Variants in PRKN observed in about 807,000 individuals in gnomAD.
PRKN encodes the protein parkin RBR E3 ubiquitin protein ligase, also known as E3 ubiquitin-protein ligase parkin.
Under a neutral mutation model 59.5 loss-of-function variants are expected in PRKN, and 56 were observed. The observed-to-expected ratio is 0.94, with a 90% CI of 0.76 to 1.18. PRKN has a LOEUF of 1.18. Among genes scored for constraint, PRKN ranks in the 50% most tolerant of loss-of-function variants. The probability of loss-of-function intolerance (pLI) is 0.00; values close to 1 mark genes in which losing one functional copy is unlikely to be tolerated. For synonymous variants in PRKN, 250 were observed against 222.1 expected, an observed-to-expected ratio of 1.13 and a Z score of -1.12; for missense variants, 657 against 596.4, an observed-to-expected ratio of 1.10 and a Z score of -1.06.
chr6:162,189,974 T>G (rs1028939218), intron 4 of PRKN, among the ~76,000 whole-genome samples: 2 of 152,106 alleles, frequency 1.3e-5, no homozygotes, highest in Non-Finnish European at 2.9e-5. Context: ...AAATTCTGTA[T>G]GCACAACTGA....
chr6:161,950,845 A>G (rs1187591324), intron 6 of PRKN, among the ~76,000 whole-genome samples: 1 of 151,738 alleles, frequency 6.6e-6, no homozygotes, highest in African/African-American at 2.4e-5. Context: ...GAGAGTTGTA[A>G]AAGCCTCAGG....
chr6:162,263,784 T>A (rs7773880), intron 2 of PRKN, among the ~76,000 whole-genome samples: 1,743 of 151,782 alleles, frequency 0.011, 36 homozygotes, highest in African/African-American at 0.039. Flanking sequence ...CAAAACCCCA[T>A]CTCAACTGAA....
intron 4 of PRKN, among the ~76,000 whole-genome samples, chr6:162,092,383 T>C (rs1779534565): frequency 6.6e-6 from 1 of 152,052 alleles, no homozygotes; most frequent in African/African-American, 2.4e-5. Context: ...GAAAAAAAAG[T>C]TTACCACTAA....
At chr6:162,414,710 CAA>C (rs1397574412) in intron 2 of PRKN, among the ~76,000 whole-genome samples, 5 of 101,960 alleles carry the variant, frequency 4.9e-5, no homozygotes, top group Admixed American at 1.1e-4. Context: ...GACTCCGTCT[CAA>C]AAAAAAAAAA....
intron 2 of PRKN, among the ~76,000 whole-genome samples, chr6:162,279,060 G>T (rs907692442): frequency 3.9e-5 from 6 of 152,148 alleles, no homozygotes; most frequent in Non-Finnish European, 7.3e-5. Flanking sequence ...GCGAGGTGAG[G>T]TGGCTCACGG....
intron 2 of PRKN, among the ~76,000 whole-genome samples, chr6:162,367,016 G>C (rs371266114): frequency 1.3e-5 from 2 of 152,032 alleles, no homozygotes; most frequent in Non-Finnish European, 2.9e-5. Flanking sequence ...ATCTCATCTC[G>C]AATTGTAGTT....
At chr6:162,353,160 T>C (rs571111485) in intron 2 of PRKN, among the ~76,000 whole-genome samples, 1 of 152,314 alleles carries the variant, frequency 6.6e-6, no homozygotes, top group East Asian at 1.9e-4. Context: ...GTGTGGCAGG[T>C]TGATTTAGTC....
At chr6:161,780,916 T>G (rs73017209) in intron 7 of PRKN, among the ~76,000 whole-genome samples, 1 of 152,242 alleles carries the variant, frequency 6.6e-6, no homozygotes, top group Non-Finnish European at 1.5e-5. Context: ...TAGGGAAACA[T>G]TGTAATTGGA....
At chr6:162,595,128 C>G (rs1472283633) in intron 1 of PRKN, among the ~76,000 whole-genome samples, 1 of 151,990 alleles carries the variant, frequency 6.6e-6, no homozygotes, top group Non-Finnish European at 1.5e-5. Flanking sequence ...GAGCTGAGAT[C>G]GTGCCACTGC....
At chr6:162,048,442 G>A (rs1015667670) in intron 5 of PRKN, among the ~76,000 whole-genome samples, 5 of 151,990 alleles carry the variant, frequency 3.3e-5, no homozygotes, top group African/African-American at 7.3e-5. Context: ...CACAGGTCTC[G>A]GAGGGGAGCG....
intron 2 of PRKN, among the ~76,000 whole-genome samples, chr6:162,268,772 A>C (rs1483358462): frequency 1.3e-5 from 2 of 152,160 alleles, no homozygotes; most frequent in Non-Finnish European, 2.9e-5. Flanking sequence ...TGCTGAGAGG[A>C]AGTGGAGACT....
chr6:161,495,931 C>T (rs1179428242), intron 9 of PRKN, among the ~76,000 whole-genome samples: 1 of 152,156 alleles, frequency 6.6e-6, no homozygotes, highest in Non-Finnish European at 1.5e-5. Context: ...TACCATGGCA[C>T]CCTGAGCTTC....
At chr6:162,688,195 G>T (rs1383843440) in intron 1 of PRKN, among the ~76,000 whole-genome samples, 1 of 152,090 alleles carries the variant, frequency 6.6e-6, no homozygotes, top group African/African-American at 2.4e-5. Context: ...GAAAAAAACA[G>T]ACATAAAACA....
At chr6:162,309,883 G>A (rs1243075872) in intron 2 of PRKN, among the ~76,000 whole-genome samples, 1 of 151,966 alleles carries the variant, frequency 6.6e-6, no homozygotes, top group Non-Finnish European at 1.5e-5. Context: ...CTTCCAGAAG[G>A]CCCCAGTGTG....
intron 7 of PRKN, among the ~76,000 whole-genome samples, chr6:161,731,410 A>G (rs562818139): frequency 8.7e-4 from 132 of 152,370 alleles, no homozygotes; most frequent in Admixed American, 1.4e-3. Context: ...ATTTCTACAC[A>G]ACCAATAGTT....
intron 2 of PRKN, among the ~76,000 whole-genome samples, chr6:162,414,577 T>G (rs6921297): frequency 0.57 from 86,472 of 150,460 alleles, 25,783 homozygotes; most frequent in African/African-American, 0.74. Context: ...CGCGCATGGT[T>G]GGTGGTGCCT....
intron 2 of PRKN, among the ~76,000 whole-genome samples, chr6:162,357,879 AAAGAT>A (rs1186224385): frequency 1.3e-5 from 2 of 152,232 alleles, no homozygotes; most frequent in African/African-American, 4.8e-5. Context: ...AGAAGCAGTG[AAAGAT>A]CAGTGATTGC....
intron 1 of PRKN, among the ~76,000 whole-genome samples, chr6:162,581,621 C>T (rs1204049770): frequency 6.6e-6 from 1 of 152,124 alleles, no homozygotes; most frequent in Non-Finnish European, 1.5e-5. Context: ...ATTAACCAGG[C>T]GTAGTGACAG....
intron 6 of PRKN, among the ~76,000 whole-genome samples, chr6:161,924,121 T>G (rs774445340): frequency 6.6e-6 from 1 of 152,160 alleles, no homozygotes; most frequent in Non-Finnish European, 1.5e-5. Flanking sequence ...AAAAAGAAAC[T>G]GTCTCCTGGG....
Sources: gnomAD v4.1 joint callset for allele counts (sites outside exome capture counted in the v4.1 genomes callset) on GRCh38, gnomAD v4.1.1 for gene constraint, MANE v1.5 for transcripts, NCBI Gene and HGNC (gene_info 2026-07-23, HGNC 2026-07-21) for gene names.